SLC35E3: variants seen among roughly 807,000 people sequenced by gnomAD.
The protein encoded by SLC35E3 is bladder cancer-overexpressed gene 1 protein.
Under a neutral mutation model 30.8 loss-of-function variants are expected in SLC35E3, and 28 were observed. The observed-to-expected ratio is 0.91, with a 90% CI of 0.67 to 1.25. The LOEUF is 1.25. Ranked by LOEUF, SLC35E3 falls within the 50% of genes most tolerant of loss-of-function variation. The probability of loss-of-function intolerance (pLI) is 0.00; values close to 1 mark genes in which losing one functional copy is unlikely to be tolerated. For synonymous variants in SLC35E3, 146 were observed against 149.2 expected (o/e 0.98, Z 0.16); for missense variants, 365 against 375.4 (o/e 0.97, Z 0.23).
chr12:68,763,449 G>A (rs980335773), intron 4 of SLC35E3, among the ~76,000 whole-genome samples: 5 of 152,020 alleles, frequency 3.3e-5, no homozygotes, highest in African/African-American at 9.7e-5. Context: ...GAGTGCAATG[G>A]TGTGATCTCG....
intron 3 of SLC35E3, among the ~76,000 whole-genome samples, chr12:68,754,646 A>G (rs1878935492): frequency 6.6e-6 from 1 of 152,156 alleles, no homozygotes; most frequent in Non-Finnish European, 1.5e-5. Context: ...ACCACTATGA[A>G]CAATATTGTG....
chr12:68,762,021 C>T (rs533751642), intron 4 of SLC35E3, among the ~76,000 whole-genome samples: 3 of 151,964 alleles, frequency 2.0e-5, no homozygotes, highest in South Asian at 2.1e-4. Context: ...AGTGAAGTGG[C>T]GCGATCATGG....
chr12:68,753,296 TAAATA>T (rs917542933), intron 3 of SLC35E3, among the ~76,000 whole-genome samples: 7 of 149,850 alleles, frequency 4.7e-5, no homozygotes, highest in Admixed American at 3.3e-4. Flanking sequence ...AAAAAATAAA[TAAATA>T]AAAAAGCCAG....
chr12:68,755,440 A>G (rs936249101), intron 3 of SLC35E3, among the ~76,000 whole-genome samples: 1 of 152,194 alleles, frequency 6.6e-6, no homozygotes, highest in Non-Finnish European at 1.5e-5. Context: ...CTATGTAAAT[A>G]TTAACTTATT....
At chr12:68,756,843 C>T (rs1474102502) in intron 3 of SLC35E3, among the ~76,000 whole-genome samples, 2 of 152,280 alleles carry the variant, frequency 1.3e-5, no homozygotes, top group East Asian at 3.9e-4. Flanking sequence ...AACCCCGTCT[C>T]TACTAAAAAT....
chr12:68,771,997 T>G lies in SLC35E3; in HGVS notation c.*7107T>G, dbSNP rs1211773470. ...AATAAAAGTAGATTGAATAAATTAA[T>G]CAGAAGGGTTTGGTTTGTTTGACCT... On this transcript the variant is annotated 3_prime_UTR_variant, in exon 5 of 5. Transcript: ENST00000398004. 1.3e-5 allele frequency: 2 copies of G among 152,180 alleles called. No homozygotes were observed. Among genetic ancestry groups the G allele is most frequent in the Non-Finnish European group, 2.9e-5 (2 of 68,026 alleles). 9.4% of individuals were successfully genotyped at this position (152,180 alleles called of 1,614,324 possible).
intron 3 of SLC35E3, among the ~76,000 whole-genome samples, chr12:68,756,966 G>A (rs2063608668): frequency 1.3e-5 from 2 of 152,204 alleles, no homozygotes; most frequent in Admixed American, 1.3e-4. Flanking sequence ...AGTGAGCCGA[G>A]ATCGTGCCAC....
chr12:68,756,113 C>G (rs74103035), intron 3 of SLC35E3, among the ~76,000 whole-genome samples: 6,805 of 152,054 alleles, frequency 0.045, 509 homozygotes, highest in African/African-American at 0.15. Context: ...ACCATATACA[C>G]TTTTTTTCTA....
At chr12:68,751,324 G>A (rs561871346) in intron 2 of SLC35E3, among the ~76,000 whole-genome samples, 37 of 145,502 alleles carry the variant, frequency 2.5e-4, no homozygotes, top group Admixed American at 2.1e-3. Context: ...TTTAGACAGA[G>A]TCTCACTCTA....
chr12:68,763,241 GCA>G (rs888636013), intron 4 of SLC35E3, among the ~76,000 whole-genome samples: 1 of 152,054 alleles, frequency 6.6e-6, no homozygotes, highest in Non-Finnish European at 1.5e-5. Flanking sequence ...GGAAACTAAT[GCA>G]CAGAGTGGTG....
rs1400147129 is a variant in SLC35E3 at position 68,766,771 on chromosome 12, GAC to G, written c.*1883_*1884del. The G allele has an allele frequency of 2.2e-6, 1 of 450,468 alleles. No individual in the cohort carries two copies. The highest frequency in any genetic ancestry group is 4.4e-6 in the Non-Finnish European group (1 of 225,340). The allele number at this position is 450,468 out of a possible 1,614,324, so 27.9% of individuals were successfully genotyped here. On this transcript the variant is annotated 3_prime_UTR_variant, in exon 5 of 5. Coordinates refer to ENST00000398004, the MANE Select transcript of SLC35E3 (RefSeq NM_018656.5). The stretch of plus-strand genomic sequence containing the variant: ...GGCTGATTTTTATATTTTTTGTAGA[GAC>G]AGAGTTTTGCCATGTTGCTCAGGCT...
chr12:68,756,981 C>A (rs779078740), intron 3 of SLC35E3, among the ~76,000 whole-genome samples: 1 of 152,202 alleles, frequency 6.6e-6, no homozygotes, highest in Non-Finnish European at 1.5e-5. Flanking sequence ...TGCCACTGCA[C>A]TCCAGCCTGG....
chr12:68,751,115 G>A (rs576877814), intron 2 of SLC35E3, among the ~76,000 whole-genome samples: 1 of 152,008 alleles, frequency 6.6e-6, no homozygotes, highest in Non-Finnish European at 1.5e-5. Flanking sequence ...TAGGTGTATT[G>A]GTGGGGGATG....
intron 4 of SLC35E3, among the ~76,000 whole-genome samples, chr12:68,761,737 T>C (rs1453054277): frequency 1.3e-5 from 2 of 152,224 alleles, no homozygotes; most frequent in African/African-American, 4.8e-5. Flanking sequence ...ACCAGTATGA[T>C]AGCAGTGGAT....
rs1319483601 is a variant in SLC35E3 at position 68,769,273 on chromosome 12, C to T, written c.*4383C>T. 2 of 151,504 alleles carry T rather than the reference C, an allele frequency of 1.3e-5. No individual in the cohort carries two copies. Among genetic ancestry groups the T allele is most frequent in the African/African-American group, 2.4e-5 (1 of 41,198 alleles). The allele number at this position is 151,504 out of a possible 1,614,324, so 9.4% of individuals were successfully genotyped here. A position where few individuals can be genotyped will look rare whatever the true frequency, so the allele number is the denominator to read the frequency against. Reference sequence around the variant, plus strand: ...AATAATAATAATAACAAAGCAGCAACATTAATCAAGCACTCTGTATTCACT... The same window carrying T: ...AATAATAATAATAACAAAGCAGCAATATTAATCAAGCACTCTGTATTCACT... On this transcript the variant is annotated 3_prime_UTR_variant, in exon 5 of 5. Coordinates refer to ENST00000398004, the MANE Select transcript of SLC35E3 (RefSeq NM_018656.5).
chr12:68,759,025 G>A (rs368155842), intron 3 of SLC35E3, 132 bp from the exon 4 acceptor site: 149 of 695,332 alleles, frequency 2.1e-4, no homozygotes, highest in Middle Eastern at 1.1e-3. Flanking sequence ...CACCGCGCCC[G>A]GCCCTCTCTT....
At position 68,746,680 on chromosome 12, in the gene SLC35E3, C is replaced by CACCT; in HGVS notation, c.305_308dup (p.Gln104LeufsTer50). 6.2e-7 allele frequency: 1 copy of CACCT among 1,614,244 alleles called. No homozygotes were observed. Among genetic ancestry groups the CACCT allele is most frequent in the Non-Finnish European group, 8.5e-7 (1 of 1,180,042 alleles). Reference sequence around the variant, plus strand: ...TTTCTCTGCAGAACAACACCATAGGCACCTATCAGCTGGCCAAGGCCATGA... The same window carrying CACCT: ...TTTCTCTGCAGAACAACACCATAGGCACCTACCTATCAGCTGGCCAAGGCCATGA... On this transcript the variant is annotated frameshift_variant, in exon 1 of 5. Coordinates refer to ENST00000398004, the MANE Select transcript of SLC35E3 (RefSeq NM_018656.5). LOFTEE classifies it high-confidence loss of function.
rs773442813 is a variant in SLC35E3, at chr12:68,746,729, C to G, written c.352C>G (p.Gln118Glu). Reference sequence around the variant, plus strand: ...GACCACGCCGGTGATCATAGCCATCCAGACCTTCTGCTACCAGAAAACCTT... The same window carrying G: ...GACCACGCCGGTGATCATAGCCATCGAGACCTTCTGCTACCAGAAAACCTT... Reference protein sequence around the residue: ...AMTTPVIIAIQTFCYQKTFST... With the variant: ...AMTTPVIIAIETFCYQKTFST... Residue 118 changes from glutamine to glutamate, a missense_variant, in exon 1 of 5, where the codon CAG becomes GAG. By Grantham distance (29) the Gln-to-Glu change is conservative. Coordinates refer to ENST00000398004, the MANE Select transcript of SLC35E3 (RefSeq NM_018656.5). 2.5e-6 allele frequency: 4 copies of G among 1,607,682 alleles called. No homozygotes were observed. Among genetic ancestry groups the G allele is most frequent in the East Asian group, 4.5e-5 (2 of 44,714 alleles).
At position 68,769,015 on chromosome 12, in the gene SLC35E3, G is replaced by C. The variant is rs1182348295; in HGVS notation, c.*4125G>C. On this transcript the variant is annotated 3_prime_UTR_variant, in exon 5 of 5. Transcript: ENST00000398004. ...CCAGCACTTTGGGAAGCTGAGGTGG[G>C]CAGATCACCTGAGGTCAGGAGTTCA... 4.6e-5 allele frequency: 7 copies of C among 152,124 alleles called. No individual in the cohort carries two copies. The highest frequency in any genetic ancestry group is 2.9e-5 in the Non-Finnish European group (2 of 68,046). The allele number at this position is 152,124 out of a possible 1,614,324, so 9.4% of individuals were successfully genotyped here. A position where few individuals can be genotyped will look rare whatever the true frequency, so the allele number is the denominator to read the frequency against.
Sources: gnomAD v4.1 joint callset for allele counts (sites outside exome capture counted in the v4.1 genomes callset) on GRCh38, gnomAD v4.1.1 for gene constraint, MANE v1.5 for transcripts, NCBI Gene and HGNC (gene_info 2026-07-23, HGNC 2026-07-21) for gene names.